CADM2: variants seen among roughly 807,000 people sequenced by gnomAD.
CADM2 encodes cell adhesion molecule 2.
A neutral mutation model predicts 49.8 loss-of-function variants in CADM2; 12 were observed. That is an observed-to-expected ratio of 0.24 (90% CI 0.15 to 0.39). The LOEUF (loss-of-function observed/expected upper bound fraction) is 0.39. Ranked by LOEUF, CADM2 falls within the 10% of genes least tolerant of loss-of-function variation. CADM2 has a pLI of 1.00. For synonymous variants in CADM2, 214 were observed against 175.4 expected (o/e 1.22, Z -1.74); for missense variants, 378 against 492.3 (o/e 0.77, Z 2.20).
intron 1 of CADM2, among the ~76,000 whole-genome samples, chr3:85,563,506 G>T (rs1454393011): frequency 6.6e-6 from 1 of 151,786 alleles, no homozygotes; most frequent in Non-Finnish European, 1.5e-5. Context: ...AATATTATGG[G>T]AATTACTATT....
At chr3:84,964,533 TG>T (rs2030822776) in intron 1 of CADM2, among the ~76,000 whole-genome samples, 2 of 152,312 alleles carry the variant, frequency 1.3e-5, no homozygotes, top group Non-Finnish European at 2.9e-5. Context: ...TTAAACCCAT[TG>T]GCTAAGTCAC....
At chr3:85,942,037 A>C (rs140575046) in intron 7 of CADM2, among the ~76,000 whole-genome samples, 1 of 152,142 alleles carries the variant, frequency 6.6e-6, no homozygotes, top group East Asian at 1.9e-4. Context: ...ACAGCTGATA[A>C]ATGGTAGAAT....
chr3:85,790,032 T>C (rs1173386384), intron 2 of CADM2, among the ~76,000 whole-genome samples: 1 of 152,206 alleles, frequency 6.6e-6, no homozygotes, highest in African/African-American at 2.4e-5. Context: ...ATTTTCTAAG[T>C]GCTCTCTGAA....
At chr3:85,402,064 A>T (rs2107442097) in intron 1 of CADM2, among the ~76,000 whole-genome samples, 1 of 152,288 alleles carries the variant, frequency 6.6e-6, no homozygotes, top group South Asian at 2.1e-4. Flanking sequence ...CGTTATTTCT[A>T]CATTTTTGGA....
chr3:85,804,988 G>A (rs1278298110), intron 3 of CADM2, among the ~76,000 whole-genome samples: 1 of 151,980 alleles, frequency 6.6e-6, no homozygotes, highest in Non-Finnish European at 1.5e-5. Context: ...TTGTTGCTCA[G>A]GGAGTTCAGT....
At chr3:85,344,232 T>A (rs1326109820) in intron 1 of CADM2, among the ~76,000 whole-genome samples, 1 of 148,846 alleles carries the variant, frequency 6.7e-6, no homozygotes, top group Non-Finnish European at 1.5e-5. Flanking sequence ...AAAAAAAAAA[T>A]TAGCTGGGCG....
At chr3:85,960,929 T>C (rs1050445862) in intron 7 of CADM2, among the ~76,000 whole-genome samples, 3 of 148,462 alleles carry the variant, frequency 2.0e-5, no homozygotes, top group African/African-American at 7.3e-5. Flanking sequence ...ATTCTTATTT[T>C]ATATGTATTT....
chr3:85,722,776 A>G (rs145944152), intron 1 of CADM2, among the ~76,000 whole-genome samples: 1 of 152,338 alleles, frequency 6.6e-6, no homozygotes, highest in Non-Finnish European at 1.5e-5. Flanking sequence ...GGTGAAATTT[A>G]TCTAATCTCT....
intron 1 of CADM2, among the ~76,000 whole-genome samples, chr3:85,495,651 G>A (rs1646567363): frequency 6.6e-6 from 1 of 151,998 alleles, no homozygotes; most frequent in Admixed American, 6.6e-5. Flanking sequence ...CAGGTTGTAC[G>A]AGAAGCTTGG....
intron 1 of CADM2, among the ~76,000 whole-genome samples, chr3:85,653,177 A>C (rs548002725): frequency 6.6e-6 from 1 of 151,324 alleles, no homozygotes; most frequent in South Asian, 2.1e-4. Flanking sequence ...TGTTTGGGGA[A>C]TCACACTTTG....
At chr3:85,994,945 C>G (rs1292750553) in intron 8 of CADM2, among the ~76,000 whole-genome samples, 1 of 140,888 alleles carries the variant, frequency 7.1e-6, no homozygotes. Context: ...ATTAAATGAG[C>G]ACATGCTGTT....
At chr3:85,825,657 T>A (rs2073867295) in intron 3 of CADM2, among the ~76,000 whole-genome samples, 1 of 152,134 alleles carries the variant, frequency 6.6e-6, no homozygotes, top group Non-Finnish European at 1.5e-5. Flanking sequence ...AAGGGCTATC[T>A]GTAGGATTTG....
intron 1 of CADM2, among the ~76,000 whole-genome samples, chr3:84,997,886 G>A (rs2107202542): frequency 6.6e-6 from 1 of 152,212 alleles, no homozygotes; most frequent in African/African-American, 2.4e-5. Flanking sequence ...TATTGCTGTT[G>A]AGGGAAAACT....
intron 1 of CADM2, among the ~76,000 whole-genome samples, chr3:85,081,897 C>G (rs1295176059): frequency 6.6e-6 from 1 of 152,050 alleles, no homozygotes; most frequent in Non-Finnish European, 1.5e-5. Context: ...TAATTCAGTT[C>G]CCAAGTATCA....
intron 2 of CADM2, among the ~76,000 whole-genome samples, chr3:85,733,506 C>G (rs2068017294): frequency 6.6e-6 from 1 of 152,134 alleles, no homozygotes; most frequent in South Asian, 2.1e-4. Context: ...TAGTCTGGGT[C>G]ACAATGGAGA....
chr3:85,511,850 G>A, intron 1 of CADM2: 1 of 982,156 alleles, frequency 1.0e-6, no homozygotes, highest in Non-Finnish European at 1.2e-6. Flanking sequence ...ATTTCTTTCT[G>A]TTTTAGGTAA....
chr3:85,617,596 G>T (rs2107474707), intron 1 of CADM2, among the ~76,000 whole-genome samples: 1 of 152,244 alleles, frequency 6.6e-6, no homozygotes, highest in East Asian at 1.9e-4. Context: ...ATTGGCTGTT[G>T]TTGATCAGCT....
intron 1 of CADM2, among the ~76,000 whole-genome samples, chr3:85,625,715 G>C (rs2064106869): frequency 2.0e-5 from 3 of 151,946 alleles, no homozygotes; most frequent in Non-Finnish European, 4.4e-5. Context: ...AACTTCACAT[G>C]AGTAATAAAT....
At chr3:85,966,754 A>G (rs1374211673) in intron 8 of CADM2, among the ~76,000 whole-genome samples, 1 of 151,712 alleles carries the variant, frequency 6.6e-6, no homozygotes, top group Non-Finnish European at 1.5e-5. Flanking sequence ...TCTCTAAAGT[A>G]TCACTTGACT....
Sources: allele counts gnomAD v4.1 joint callset (sites outside exome capture counted in the v4.1 genomes callset), GRCh38; gene constraint gnomAD v4.1.1; transcripts MANE v1.5; gene names NCBI Gene and HGNC (gene_info 2026-07-23, HGNC 2026-07-21).